The following CYYR1 variants were observed in gnomAD, a reference collection of about 807,000 sequenced individuals.
CYYR1 encodes cysteine and tyrosine-rich protein 1.
A neutral mutation model predicts 15.2 loss-of-function variants in CYYR1; 14 were observed. The ratio of observed to expected loss-of-function variants is 0.92; its 90% confidence interval spans 0.61 to 1.44. The LOEUF (loss-of-function observed/expected upper bound fraction) is 1.44, where lower values mean the gene tolerates loss of function less well. Among genes scored for constraint, CYYR1 ranks in the 40% most tolerant of loss-of-function variants. CYYR1 has a pLI of 0.00. For synonymous variants in CYYR1, 80 were observed against 77.4 expected, an observed-to-expected ratio of 1.03 and a Z score of -0.18; for missense variants, 228 against 209.5, an observed-to-expected ratio of 1.09 and a Z score of -0.54.
At chr21:26,481,337 C>G (rs1368368189) in intron 2 of CYYR1, among the ~76,000 whole-genome samples, 1 of 151,840 alleles carries the variant, frequency 6.6e-6, no homozygotes, top group East Asian at 1.9e-4. Context: ...GAGAAACATC[C>G]TAATGTCCAT....
At chr21:26,552,940 G>T (rs1002046307) in intron 2 of CYYR1, among the ~76,000 whole-genome samples, 2 of 152,072 alleles carry the variant, frequency 1.3e-5, no homozygotes, top group African/African-American at 2.4e-5. Context: ...TGCTAGTGGG[G>T]CAGGACTTTG....
chr21:26,560,271 G>C (rs1240975874), intron 2 of CYYR1, among the ~76,000 whole-genome samples: 1 of 152,134 alleles, frequency 6.6e-6, no homozygotes, highest in Non-Finnish European at 1.5e-5. Context: ...TGGTATGTAG[G>C]AATATACCAC....
chr21:26,567,235 G>A lies in CYYR1; in HGVS notation c.74-867C>T, dbSNP rs572025997. On this transcript the variant is annotated intron_variant, in intron 1 of 3. Transcript: ENST00000652641. The stretch of plus-strand genomic sequence containing the variant: ...TGGTAACACAATGAGTCTGCATCCT[G>A]TAAATTCATCTGGATGAAAAGATGA... 2.0e-4 allele frequency among the ~76,000 whole-genome samples: 31 copies of A among 152,232 alleles called. No homozygotes were observed. In the East Asian group the frequency reaches 4.6e-3, roughly 23 times the overall value.
chr21:26,497,429 A>G (rs935581145), intron 2 of CYYR1, among the ~76,000 whole-genome samples: 2 of 152,216 alleles, frequency 1.3e-5, no homozygotes, highest in African/African-American at 4.8e-5. Context: ...TCATTTTTAA[A>G]AAGCAAATCA....
At chr21:26,524,224 T>C (rs1432718926) in intron 2 of CYYR1, among the ~76,000 whole-genome samples, 1 of 152,242 alleles carries the variant, frequency 6.6e-6, no homozygotes, top group Non-Finnish European at 1.5e-5. Flanking sequence ...GTACTTCTTA[T>C]TCCTTAACTA....
chr21:26,531,209 T>A (rs1451014204), intron 2 of CYYR1, among the ~76,000 whole-genome samples: 4 of 152,190 alleles, frequency 2.6e-5, no homozygotes, highest in Non-Finnish European at 5.9e-5. Context: ...CACAAACATT[T>A]TGCATCAGTG....
At chr21:26,520,456 C>T (rs1286154303) in intron 2 of CYYR1, among the ~76,000 whole-genome samples, 1 of 152,070 alleles carries the variant, frequency 6.6e-6, no homozygotes, top group Non-Finnish European at 1.5e-5. Context: ...ATATGTACCA[C>T]ATTTTCTTTA....
intron 2 of CYYR1, among the ~76,000 whole-genome samples, chr21:26,521,035 G>T (rs904640219): frequency 6.6e-6 from 1 of 152,140 alleles, no homozygotes; most frequent in Admixed American, 6.5e-5. Flanking sequence ...CCCGTCAGGG[G>T]GTGCGGAGGG....
Position 26,558,430 on chromosome 21 carries a change from C to A in CYYR1, c.176+7836G>T, listed in dbSNP as rs866723453. Among the ~76,000 whole-genome samples the A allele has an allele frequency of 2.0e-5, 3 of 152,212 alleles. No individual in the cohort carries two copies. The Middle Eastern group carries it at 0.01, about 518-fold the overall frequency. ...AAATTCCTTGGCTCAGGCAATCCTC[C>A]CACCTCAGCCTCCCGTGTAGCTGTG... On this transcript the variant is annotated intron_variant, in intron 2 of 3. Coordinates refer to ENST00000652641, the MANE Select transcript of CYYR1 (RefSeq NM_001320768.2).
At chr21:26,566,546 T>C (rs562829726) in intron 1 of CYYR1, among the ~76,000 whole-genome samples, 178 bp from the exon 2 acceptor site, 16 of 152,294 alleles carry the variant, frequency 1.1e-4, no homozygotes, top group African/African-American at 3.8e-4. Flanking sequence ...CTCTTCCCCA[T>C]TAGACTCTAA....
chr21:26,566,683 G>C (rs1193398667), intron 1 of CYYR1, among the ~76,000 whole-genome samples: 1 of 152,122 alleles, frequency 6.6e-6, no homozygotes, highest in Non-Finnish European at 1.5e-5. Flanking sequence ...CGCTGGATTT[G>C]TCCATAGAGT....
At chr21:26,568,796 G>A (rs990218114) in intron 1 of CYYR1, 1 of 152,010 alleles carries the variant, frequency 6.6e-6, no homozygotes, top group East Asian at 1.9e-4. Context: ...ATGGGCAAAG[G>A]ACATCAACCA....
In CYYR1 at chr21:26,467,672, A is replaced by T. The variant is rs891700981; in HGVS notation, c.*829T>A. 1.3e-5 allele frequency: 2 copies of T among 152,110 alleles called. No individual in the cohort carries two copies. Among genetic ancestry groups the T allele is most frequent in the African/African-American group, 2.4e-5 (1 of 41,412 alleles). 9.4% of individuals were successfully genotyped at this position (152,110 alleles called of 1,614,324 possible). A position where few individuals can be genotyped will look rare whatever the true frequency, so the allele number is the denominator to read the frequency against. On this transcript the variant is annotated 3_prime_UTR_variant, in exon 4 of 4. Transcript: ENST00000652641. Reference sequence around the variant, plus strand: ...TAACCTTTATTCTGATCCACTATAAAGCCAGATGATTTTTAGGTGGCAGTA... The same window carrying T: ...TAACCTTTATTCTGATCCACTATAATGCCAGATGATTTTTAGGTGGCAGTA...
intron 2 of CYYR1, among the ~76,000 whole-genome samples, chr21:26,482,931 A>G (rs2065201530): frequency 6.6e-6 from 1 of 151,868 alleles, no homozygotes; most frequent in African/African-American, 2.4e-5. Context: ...TTGATTCTTT[A>G]TGTTCGGAGA....
intron 2 of CYYR1, among the ~76,000 whole-genome samples, chr21:26,523,123 CA>C (rs937791463): frequency 4.6e-5 from 7 of 151,992 alleles, no homozygotes; most frequent in Non-Finnish European, 8.8e-5. Flanking sequence ...AGGAAGCTGC[CA>C]AAAAAAGGCA....
chr21:26,505,575 G>A (rs913867972), intron 2 of CYYR1, among the ~76,000 whole-genome samples: 3 of 152,178 alleles, frequency 2.0e-5, no homozygotes, highest in Admixed American at 6.5e-5. Flanking sequence ...TACATAACCA[G>A]AGTGCCTGGA....
intron 1 of CYYR1, 102 bp from the exon 2 acceptor site, chr21:26,566,470 A>C: frequency 1.2e-6 from 1 of 847,030 alleles, no homozygotes; most frequent in African/African-American, 1.7e-5. Context: ...ACCACCCTTT[A>C]GTGGTTTTAA....
intron 2 of CYYR1, among the ~76,000 whole-genome samples, chr21:26,552,543 A>G (rs1438393890): frequency 6.6e-6 from 1 of 152,024 alleles, no homozygotes; most frequent in African/African-American, 2.4e-5. Flanking sequence ...TCTGTTTTTC[A>G]TTCCTTTGAC....
intron 2 of CYYR1, among the ~76,000 whole-genome samples, chr21:26,545,443 TAGAA>T (rs746818807): frequency 1.3e-5 from 2 of 152,030 alleles, no homozygotes; most frequent in African/African-American, 2.4e-5. Context: ...TCTTTTCTCA[TAGAA>T]AGATAATAAT....
Sources: gnomAD v4.1 joint callset for allele counts (sites outside exome capture counted in the v4.1 genomes callset) on GRCh38, gnomAD v4.1.1 for gene constraint, MANE v1.5 for transcripts, NCBI Gene and HGNC (gene_info 2026-07-23, HGNC 2026-07-21) for gene names.